Variants in CADM2 observed in about 807,000 individuals in gnomAD.
CADM2 encodes the protein immunoglobulin superfamily member 4D.
In CADM2, 12 loss-of-function variants were observed where a neutral mutation model predicts 49.8. The observed-to-expected ratio is 0.24, with a 90% CI of 0.15 to 0.39. CADM2 has a LOEUF of 0.39. Among genes scored for constraint, CADM2 ranks in the 10% least tolerant of loss-of-function variants. The probability of loss-of-function intolerance (pLI) is 1.00; values close to 1 mark genes in which losing one functional copy is unlikely to be tolerated. For missense variants in CADM2, 378 were observed against 492.3 expected, an observed-to-expected ratio of 0.77 and a Z score of 2.20; for synonymous variants, 214 against 175.4, an observed-to-expected ratio of 1.22 and a Z score of -1.74.
chr3:85,802,278 A>G, intron 3 of CADM2, 82 bp downstream of exon 3: 1 of 1,229,490 alleles, frequency 8.1e-7, no homozygotes, highest in Non-Finnish European at 1.1e-6. Context: ...GAGATGATTC[A>G]AACTATTCCT....
rs111240699 is a variant in CADM2 at position 85,179,436 on chromosome 3, T to C, written c.61+219768T>C. Reference sequence around the variant, plus strand: ...CTGTCTGGCTCTTTAAAGGGGTTTTTGGTTTTTGCTTTTTTTTGGTATGTT... The same window carrying C: ...CTGTCTGGCTCTTTAAAGGGGTTTTCGGTTTTTGCTTTTTTTTGGTATGTT... On this transcript the variant is annotated intron_variant, in intron 1 of 9. Transcript: ENST00000383699. 2.0e-3 allele frequency among the ~76,000 whole-genome samples: 307 copies of C among 152,186 alleles called. 1 individual carries two copies. The highest frequency in any genetic ancestry group is 7.0e-3 in the African/African-American group (293 of 41,568).
intron 1 of CADM2, among the ~76,000 whole-genome samples, chr3:84,988,395 G>A (rs1468547884): frequency 6.6e-6 from 1 of 152,202 alleles, no homozygotes; most frequent in Non-Finnish European, 1.5e-5. Flanking sequence ...TTTCTACTTA[G>A]GAAATGCTTC....
intron 1 of CADM2, among the ~76,000 whole-genome samples, chr3:85,422,900 C>T (rs1455151387): frequency 6.6e-6 from 1 of 152,070 alleles, no homozygotes; most frequent in Non-Finnish European, 1.5e-5. Flanking sequence ...CCGGTAACAG[C>T]TTAAGTGTTA....
chr3:85,094,577 TCTA>T (rs1333239631), intron 1 of CADM2, among the ~76,000 whole-genome samples: 2 of 152,134 alleles, frequency 1.3e-5, no homozygotes, highest in African/African-American at 4.8e-5. Flanking sequence ...AGTTGGTAAT[TCTA>T]CTGAGTTTTC....
At chr3:85,392,767 T>C (rs747623431) in intron 1 of CADM2, among the ~76,000 whole-genome samples, 10 of 152,164 alleles carry the variant, frequency 6.6e-5, no homozygotes, top group Non-Finnish European at 1.3e-4. Flanking sequence ...AGAAAATCCA[T>C]TTAAATCCTA....
At chr3:85,741,496 C>T (rs549398802) in intron 2 of CADM2, among the ~76,000 whole-genome samples, 8 of 152,146 alleles carry the variant, frequency 5.3e-5, no homozygotes, top group Middle Eastern at 3.4e-3. Context: ...GGTGAAACCC[C>T]GTCTCTACTA....
At chr3:84,982,695 T>C (rs1184378475) in intron 1 of CADM2, among the ~76,000 whole-genome samples, 1 of 91,688 alleles carries the variant, frequency 1.1e-5, no homozygotes, top group Non-Finnish European at 2.2e-5. Flanking sequence ...GATTGAAAAC[T>C]ATAAAGCATA....
chr3:85,690,043 A>G (rs2066335282), intron 1 of CADM2, among the ~76,000 whole-genome samples: 1 of 152,218 alleles, frequency 6.6e-6, no homozygotes, highest in South Asian at 2.1e-4. Context: ...ATGCAGAATG[A>G]TACAAGGAAA....
chr3:85,603,015 C>T (rs1409027041), intron 1 of CADM2, among the ~76,000 whole-genome samples: 1 of 151,728 alleles, frequency 6.6e-6, no homozygotes, highest in Non-Finnish European at 1.5e-5. Flanking sequence ...CTATGTACAC[C>T]AGGTTATAGT....
At chr3:85,226,190 T>A (rs2042156945) in intron 1 of CADM2, among the ~76,000 whole-genome samples, 1 of 152,138 alleles carries the variant, frequency 6.6e-6, no homozygotes, top group Admixed American at 6.5e-5. Flanking sequence ...TCGGAAGAAA[T>A]GATATCAGCT....
At chr3:85,006,806 A>T (rs1317169688) in intron 1 of CADM2, among the ~76,000 whole-genome samples, 1 of 151,928 alleles carries the variant, frequency 6.6e-6, no homozygotes, top group Non-Finnish European at 1.5e-5. Context: ...GATAAAATAT[A>T]AAAAAAATCA....
chr3:85,960,811 G>A (rs866170420), intron 7 of CADM2, among the ~76,000 whole-genome samples: 18 of 151,700 alleles, frequency 1.2e-4, no homozygotes, highest in African/African-American at 4.1e-4. Flanking sequence ...GAGAAAAGCA[G>A]CAGAGGTGAA....
chr3:85,405,459 A>T (rs1358343589), intron 1 of CADM2, among the ~76,000 whole-genome samples: 1 of 152,146 alleles, frequency 6.6e-6, no homozygotes, highest in East Asian at 1.9e-4. Context: ...TGGCGGAAAA[A>T]CAACTTGAAC....
intron 1 of CADM2, among the ~76,000 whole-genome samples, chr3:85,155,810 G>C (rs1342081554): frequency 6.6e-6 from 1 of 152,084 alleles, no homozygotes; most frequent in Admixed American, 6.6e-5. Flanking sequence ...TCAACTACAT[G>C]GTAATTGAAC....
chr3:85,947,096 A>C (rs150744694), intron 7 of CADM2, among the ~76,000 whole-genome samples: 8,207 of 152,156 alleles, frequency 0.054, 356 homozygotes, highest in South Asian at 0.11. Flanking sequence ...AAACAAATTT[A>C]CAAGAAAAAA....
intron 1 of CADM2, among the ~76,000 whole-genome samples, chr3:84,961,711 A>G (rs1049366764): frequency 1.3e-5 from 2 of 152,086 alleles, no homozygotes; most frequent in Admixed American, 6.5e-5. Flanking sequence ...GGTGATTGCA[A>G]TGAAAATTCG....
At chr3:84,973,372 G>T (rs747300048) in intron 1 of CADM2, among the ~76,000 whole-genome samples, 1 of 151,938 alleles carries the variant, frequency 6.6e-6, no homozygotes, top group African/African-American at 2.4e-5. Flanking sequence ...TAAATTTAAG[G>T]TTAAAGAGCT....
chr3:85,373,189 A>G (rs927236907), intron 1 of CADM2, among the ~76,000 whole-genome samples: 1 of 152,110 alleles, frequency 6.6e-6, no homozygotes, highest in African/African-American at 2.4e-5. Flanking sequence ...CAGGTAAATT[A>G]TTTTCTAGAT....
intron 8 of CADM2, among the ~76,000 whole-genome samples, chr3:85,989,824 C>T (rs1728539667): frequency 6.6e-6 from 1 of 151,568 alleles, no homozygotes; most frequent in Non-Finnish European, 1.5e-5. Context: ...CCAGCCTGCC[C>T]AACATGGTGA....
Sources: allele counts gnomAD v4.1 joint callset (sites outside exome capture counted in the v4.1 genomes callset), GRCh38; gene constraint gnomAD v4.1.1; transcripts MANE v1.5; gene names NCBI Gene and HGNC (gene_info 2026-07-23, HGNC 2026-07-21).